The following NOP14 variants were observed in gnomAD, a reference collection of about 807,000 sequenced individuals.
NOP14 encodes nucleolar protein 14.
NOP14 carries 57 observed loss-of-function variants against 101.6 expected under a neutral mutation model. The ratio of observed to expected loss-of-function variants is 0.56; its 90% CI spans 0.45 to 0.70. NOP14 has a LOEUF of 0.70. Among genes scored for constraint, NOP14 ranks in the 30% least tolerant of loss-of-function variants. The pLI, the probability that NOP14 is intolerant of heterozygous loss-of-function variation, is 0.00. For synonymous variants in NOP14, 428 were observed against 424.0 expected (o/e 1.01, Z -0.12); for missense variants, 1,134 against 1,075.5 (o/e 1.05, Z -0.76).
chr4:2,963,296 C>A lies in NOP14; in HGVS notation c.24G>T (p.Gly8=). Residue 8 remains glycine (G), a synonymous_variant, in exon 1 of 18, where the codon GGG becomes GGT. Coordinates refer to ENST00000416614, the MANE Select transcript of NOP14 (RefSeq NM_001291978.2). MAKAKKV[G]ARRKASGAPA... is the part of the protein sequence containing the mutation. ...GCGCCCCGGAGGCCTTCCTTCGCGC[C>A]CCGACCTTCTTCGCCTTCGCCATGG... 6.3e-7 allele frequency: 1 copy of A among 1,593,958 alleles called. No homozygotes were observed. Among genetic ancestry groups the A allele is most frequent in the Non-Finnish European group, 8.5e-7 (1 of 1,173,050 alleles).
chr4:2,949,109 G>A (rs895798548), intron 8 of NOP14, among the ~76,000 whole-genome samples: 4 of 152,182 alleles, frequency 2.6e-5, no homozygotes, highest in Non-Finnish European at 4.4e-5. Flanking sequence ...CCACCAGAGG[G>A]CACTTCACAG....
chr4:2,938,699 G>A lies in NOP14; in HGVS notation c.*132C>T. 1 of 676,652 alleles carries A rather than the reference G, an allele frequency of 1.5e-6. No individual in the cohort carries two copies. The highest frequency in any genetic ancestry group is 2.5e-6 in the Non-Finnish European group (1 of 397,044). 41.9% of individuals were successfully genotyped at this position (676,652 alleles called of 1,614,324 possible). On this transcript the variant is annotated 3_prime_UTR_variant, in exon 18 of 18. Transcript: ENST00000416614. ...TTTTATGTTTTTTTGGTAGAGACGG[G>A]GTCTTCCTGTGTTGCCCAGGCTGGT...
At position 2,956,960 on chromosome 4, in the gene NOP14, G is replaced by A. The variant is rs908700142; in HGVS notation, c.331-149C>T. ...TTAAAGAGTATTTTGGGTCAACTAA[G>A]CAATGATTCATGATTCAGACAGAAA... On this transcript the variant is annotated intron_variant, in intron 2 of 17. Transcript: ENST00000416614. 6 of 651,282 alleles carry A rather than the reference G, an allele frequency of 9.2e-6. No homozygotes were observed. The East Asian group carries it at 1.7e-4, about 18-fold the overall frequency. The allele number at this position is 651,282 out of a possible 1,614,324, so 40.3% of individuals were successfully genotyped here.
intron 1 of NOP14, among the ~76,000 whole-genome samples, chr4:2,961,191 G>GTTAGTATATTAATATATAGTAA (rs1715840579): frequency 4.2e-4 from 1 of 2,400 alleles, no homozygotes; most frequent in Non-Finnish European, 7.8e-4. Context: ...ATATTAATAT[G>GTTAGTATATTAATATATAGTAA]CTAATATTAT....
intron 6 of NOP14, 130 bp from the exon 7 acceptor site, chr4:2,951,375 T>C (rs74774684): frequency 0.035 from 24,274 of 702,884 alleles, 575 homozygotes; most frequent in Middle Eastern, 0.045. Context: ...GCATCCAGCC[T>C]GCTTTCTGCC....
chr4:2,956,539 A>T, intron 3 of NOP14, 131 bp downstream of exon 3: 1 of 856,090 alleles, frequency 1.2e-6, no homozygotes, highest in Non-Finnish European at 1.7e-6. Context: ...AAATTTGTAG[A>T]GAGGTTAATG....
chr4:2,957,817 C>A, intron 1 of NOP14, 77 bp from the exon 2 acceptor site: 1 of 1,486,382 alleles, frequency 6.7e-7, no homozygotes, highest in Non-Finnish European at 9.2e-7. Context: ...ACAGTGCATA[C>A]TTTAAAGTTC....
Sources: allele counts gnomAD v4.1 joint callset (sites outside exome capture counted in the v4.1 genomes callset), GRCh38; gene constraint gnomAD v4.1.1; transcripts MANE v1.5; gene names NCBI Gene and HGNC (gene_info 2026-07-23, HGNC 2026-07-21).